The following UTS2 variants were observed in gnomAD, a reference collection of about 807,000 sequenced individuals.
UTS2 encodes the protein urotensin-2.
Under a neutral mutation model 12.6 loss-of-function variants are expected in UTS2, and 10 were observed. The ratio of observed to expected loss-of-function variants is 0.80; its 90% CI spans 0.49 to 1.35. The LOEUF (loss-of-function observed/expected upper bound fraction) is 1.35, where lower values mean the gene tolerates loss of function less well. Among genes scored for constraint, UTS2 ranks in the 40% most tolerant of loss-of-function variants. UTS2 has a pLI of 0.00. For synonymous variants in UTS2, 52 were observed against 50.0 expected, an observed-to-expected ratio of 1.04 and a Z score of -0.17; for missense variants, 142 against 143.2, an observed-to-expected ratio of 0.99 and a Z score of 0.04.
At chr1:7,913,202 C>T in the UTS2 span, among the ~76,000 whole-genome samples, 1 of 151,896 alleles carries the variant, frequency 6.6e-6, no homozygotes, top group Non-Finnish European at 1.5e-5. Context: ...TCGGCCTAGT[C>T]CTGCCCATGA....
the UTS2 span, among the ~76,000 whole-genome samples, chr1:7,859,699 T>A: frequency 5.3e-5 from 8 of 152,178 alleles, no homozygotes; most frequent in Non-Finnish European, 1.2e-4. Flanking sequence ...CGGGGTTTTG[T>A]CATTTACCAG....
chr1:7,896,595 A>T, the UTS2 span, among the ~76,000 whole-genome samples: 1 of 152,132 alleles, frequency 6.6e-6, no homozygotes, highest in Non-Finnish European at 1.5e-5. Flanking sequence ...AATTTTTATA[A>T]TATAGTCACT....
At chr1:7,866,443 G>A in the UTS2 span, among the ~76,000 whole-genome samples, 7 of 152,290 alleles carry the variant, frequency 4.6e-5, no homozygotes, top group South Asian at 2.1e-4. This position sits in a 1 kb window ranked among gnomAD's most constrained non-coding sequence, Gnocchi z 4.5. Flanking sequence ...AGGAAGTCCA[G>A]GCCCCCTCTG....
chr1:7,849,709 C>G, intron 2 of UTS2, 26 bp from the exon 3 acceptor site: 1 of 1,596,286 alleles, frequency 6.3e-7, no homozygotes, highest in East Asian at 2.3e-5. Flanking sequence ...GAAGCCAGTT[C>G]ATCAGATCTG....
chr1:7,850,908 C>T lies in UTS2; in HGVS notation c.118G>A (p.Ala40Thr), dbSNP rs201977733. ...SFQLSAPHED[A>T]RLTPEELERA... is the part of the protein sequence containing the mutation. ...TCTAGCTCCTCCGGAGTTAAGCGCG[C>T]GTCTTCATGAGGTGCTACAGAGTAA... Residue 40 changes from alanine (A) to threonine (T), a missense_variant, in exon 2 of 4, where the codon GCG becomes ACG. Coordinates refer to ENST00000361696, the MANE Select transcript of UTS2 (RefSeq NM_006786.4). 5.4e-5 allele frequency: 87 copies of T among 1,613,948 alleles called. No individual in the cohort carries two copies. In the East Asian group the frequency reaches 6.5e-4, roughly 12 times the overall value.
At chr1:7,854,983 A>G (rs536032462), upstream of UTS2, among the ~76,000 whole-genome samples, 3 of 152,184 alleles carry the variant, frequency 2.0e-5, no homozygotes, top group African/African-American at 7.2e-5. Flanking sequence ...CAATGTGGTG[A>G]AACCCTGTCT....
chr1:7,909,669 G>A, the UTS2 span, among the ~76,000 whole-genome samples: 7 of 151,640 alleles, frequency 4.6e-5, no homozygotes, highest in Non-Finnish European at 1.0e-4. Flanking sequence ...CACCCAGGCT[G>A]GAGTGCAATG....
At chr1:7,881,160 A>C in the UTS2 span, among the ~76,000 whole-genome samples, 19 of 152,368 alleles carry the variant, frequency 1.2e-4, no homozygotes, top group Non-Finnish European at 2.4e-4. Context: ...AAGGCCACGT[A>C]TAACAAGCCC....
intron 2 of UTS2, 26 bp from the exon 3 acceptor site, chr1:7,849,709 C>A: frequency 6.3e-7 from 1 of 1,596,282 alleles, no homozygotes; most frequent in South Asian, 1.1e-5. Flanking sequence ...GAAGCCAGTT[C>A]ATCAGATCTG....
chr1:7,901,630 G>GTGTGTATA, the UTS2 span, among the ~76,000 whole-genome samples: 1 of 150,710 alleles, frequency 6.6e-6, no homozygotes, highest in African/African-American at 2.4e-5. Flanking sequence ...GTGTGTGTGT[G>GTGTGTATA]TATATATATA....
chr1:7,854,358 GAGA>G (rs1480147852), upstream of UTS2, among the ~76,000 whole-genome samples: 4 of 73,748 alleles, frequency 5.4e-5, 1 homozygote, highest in African/African-American at 1.4e-4. Flanking sequence ...AAAAAAAAAA[GAGA>G]AGGAGAAACA....
At chr1:7,851,911 G>A (rs952527635) in intron 1 of UTS2, among the ~76,000 whole-genome samples, 1 of 152,180 alleles carries the variant, frequency 6.6e-6, no homozygotes, top group African/African-American at 2.4e-5. Flanking sequence ...GACAGTAGTA[G>A]CTGAGTATTT....
upstream of UTS2, among the ~76,000 whole-genome samples, chr1:7,854,134 A>G (rs998796895): frequency 6.6e-6 from 1 of 152,072 alleles, no homozygotes; most frequent in Admixed American, 6.6e-5. Context: ...TCACGAGGTC[A>G]GGAGTTTGAG....
the UTS2 span, among the ~76,000 whole-genome samples, chr1:7,862,315 C>T: frequency 6.6e-6 from 1 of 152,048 alleles, no homozygotes; most frequent in Non-Finnish European, 1.5e-5. Context: ...CGCTATGTCC[C>T]CTGCATGCTC....
intron 2 of UTS2, among the ~76,000 whole-genome samples, chr1:7,850,263 C>T (rs2097412637): frequency 6.6e-6 from 1 of 152,130 alleles, no homozygotes; most frequent in African/African-American, 2.4e-5. Flanking sequence ...AGCCACCGCA[C>T]CCAGCAAAAG....
At chr1:7,863,956 C>T in the UTS2 span, among the ~76,000 whole-genome samples, 6 of 152,348 alleles carry the variant, frequency 3.9e-5, no homozygotes, top group African/African-American at 1.4e-4. Flanking sequence ...CACGTGGCCT[C>T]ATCCCCCGGG....
At chr1:7,912,985 CTTTTTCTTTTTT>C in the UTS2 span, among the ~76,000 whole-genome samples, 1 of 66,778 alleles carries the variant, frequency 1.5e-5, no homozygotes, top group African/African-American at 6.7e-5. Context: ...GCAAGTATAG[CTTTTTCTTTTTT>C]TTTTTTTTTG....
intron 2 of UTS2, among the ~76,000 whole-genome samples, chr1:7,850,606 G>A (rs550681093): frequency 2.0e-5 from 3 of 152,192 alleles, no homozygotes; most frequent in Admixed American, 6.5e-5. Context: ...ACAAAATGCT[G>A]AGGTACCAAA....
chr1:7,910,894 G>A, the UTS2 span, among the ~76,000 whole-genome samples: 4 of 151,884 alleles, frequency 2.6e-5, no homozygotes, highest in African/African-American at 7.3e-5. Flanking sequence ...GAGCCACTAC[G>A]CCAGGCTAAT....
Sources: gnomAD v4.1 joint callset for allele counts (sites outside exome capture counted in the v4.1 genomes callset) on GRCh38, gnomAD v4.1.1 for gene constraint, Gnocchi (gnomAD v3.1) non-coding constraint, MANE v1.5 for transcripts, NCBI Gene and HGNC (gene_info 2026-07-23, HGNC 2026-07-21) for gene names.